The following ZC3H3 variants were observed in gnomAD, a reference collection of about 807,000 sequenced individuals.
ZC3H3 encodes the protein zinc finger CCCH-type containing 3, also known as zinc finger CCCH domain-containing protein 3.
In ZC3H3, 36 loss-of-function variants were observed where a neutral mutation model predicts 77.3. That is an observed-to-expected ratio of 0.47 (90% CI 0.36 to 0.61). ZC3H3 has a LOEUF of 0.61. Among genes scored for constraint, ZC3H3 ranks in the 20% least tolerant of loss-of-function variants. The pLI is 0.00. For synonymous variants in ZC3H3, 626 were observed against 555.2 expected (o/e 1.13, Z -1.79); for missense variants, 1,331 against 1,312.2 (o/e 1.01, Z -0.22).
At chr8:143,485,264 T>C (rs923024605) in intron 4 of ZC3H3, among the ~76,000 whole-genome samples, 5 of 152,004 alleles carry the variant, frequency 3.3e-5, no homozygotes, top group Non-Finnish European at 5.9e-5. Context: ...AAGAAGAAAA[T>C]GCAAATCTAT....
intron 3 of ZC3H3, among the ~76,000 whole-genome samples, chr8:143,511,821 C>T (rs908786512): frequency 6.6e-6 from 1 of 152,242 alleles, no homozygotes; most frequent in African/African-American, 2.4e-5. Flanking sequence ...GACAGCAAAA[C>T]TGTCACTGCT....
In ZC3H3 at chr8:143,465,770, T is replaced by C; in HGVS notation, c.2254A>G (p.Lys752Glu). Residue 752 changes from lysine (K) to glutamate (E), a missense_variant, in exon 9 of 12, where the codon AAG becomes GAG. Around this residue, in one of 3 missense-constraint regions of ZC3H3, gnomAD observed 104 missense variants for 159.7 expected, o/e 0.65. Coordinates refer to ENST00000262577, the MANE Select transcript of ZC3H3 (RefSeq NM_015117.3). ...CPYSHVYVSR[K>E]AEVCSDFLKG... ...AGGAAGTCGCTGCAGACCTCGGCCT[T>C]GCGGGACACGTACACGTGGCTATAG... 6.2e-7 allele frequency: 1 copy of C among 1,613,888 alleles called. No individual in the cohort carries two copies. Among genetic ancestry groups the C allele is most frequent in the Non-Finnish European group, 8.5e-7 (1 of 1,180,004 alleles).
intron 5 of ZC3H3, among the ~76,000 whole-genome samples, chr8:143,469,044 A>G (rs1820491632): frequency 6.6e-6 from 1 of 152,196 alleles, no homozygotes; most frequent in Admixed American, 6.5e-5. Context: ...CCCCAGGGCC[A>G]CGCTTTGCTG....
intron 4 of ZC3H3, among the ~76,000 whole-genome samples, chr8:143,483,553 C>T (rs1006737919): frequency 1.3e-5 from 2 of 152,146 alleles, no homozygotes; most frequent in African/African-American, 2.4e-5. Context: ...GGCGCTCAGG[C>T]CAGACAGAGC....
At chr8:143,474,357 C>T (rs1820665267) in intron 5 of ZC3H3, among the ~76,000 whole-genome samples, 1 of 152,222 alleles carries the variant, frequency 6.6e-6, no homozygotes, top group South Asian at 2.1e-4. Flanking sequence ...TTCACCAGGA[C>T]CCCCCAGCCC....
chr8:143,506,017 G>A (rs992961997), intron 4 of ZC3H3, among the ~76,000 whole-genome samples: 2 of 152,224 alleles, frequency 1.3e-5, no homozygotes, highest in Non-Finnish European at 2.9e-5. Context: ...GCCACATGGC[G>A]CCGACAGGAG....
intron 8 of ZC3H3, among the ~76,000 whole-genome samples, chr8:143,466,058 G>A (rs375106760): frequency 2.0e-5 from 3 of 152,218 alleles, no homozygotes; most frequent in Non-Finnish European, 4.4e-5. Flanking sequence ...CACCCCTGCC[G>A]TGCTCTGTCC....
At chr8:143,480,626 A>T (rs1820882420) in intron 4 of ZC3H3, among the ~76,000 whole-genome samples, 1 of 152,214 alleles carries the variant, frequency 6.6e-6, no homozygotes, top group Non-Finnish European at 1.5e-5. Context: ...CGCTCCCAGC[A>T]GCAGAAGCCC....
chr8:143,468,764 C>T lies in ZC3H3; in HGVS notation c.1904-105G>A. 2.9e-6 allele frequency: 4 copies of T among 1,398,380 alleles called. No homozygotes were observed. In the East Asian group the frequency reaches 7.6e-5, roughly 26 times the overall value. The allele number at this position is 1,398,380 out of a possible 1,614,324, so 86.6% of individuals were successfully genotyped here. A position where few individuals can be genotyped will look rare whatever the true frequency, so the allele number is the denominator to read the frequency against. ...GGCCCTCAGGGGTCCCAACACTCAGCTCAGGCACAGCCTCCCCTCCAGGAA... is the reference window on the plus strand; with the variant it reads ...GGCCCTCAGGGGTCCCAACACTCAGTTCAGGCACAGCCTCCCCTCCAGGAA... On this transcript the variant is annotated intron_variant, in intron 5 of 11. Transcript: ENST00000262577.
At chr8:143,454,762 C>T (rs910382124) in intron 9 of ZC3H3, among the ~76,000 whole-genome samples, 10 of 152,160 alleles carry the variant, frequency 6.6e-5, no homozygotes, top group Non-Finnish European at 2.9e-5. Context: ...GTGATGAAAT[C>T]TTGCACCGTC....
At chr8:143,473,610 G>C (rs1259485220) in intron 5 of ZC3H3, among the ~76,000 whole-genome samples, 6 of 152,236 alleles carry the variant, frequency 3.9e-5, no homozygotes, top group African/African-American at 1.4e-4. Flanking sequence ...GACTGTGCCT[G>C]CAGTGTCAGT....
At chr8:143,491,531 C>T (rs1451267834) in intron 4 of ZC3H3, among the ~76,000 whole-genome samples, 2 of 152,266 alleles carry the variant, frequency 1.3e-5, no homozygotes, top group Non-Finnish European at 2.9e-5. Flanking sequence ...ATCTTGAGCC[C>T]CACGGCTGGA....
At chr8:143,512,318 A>G (rs1821894803) in intron 3 of ZC3H3, among the ~76,000 whole-genome samples, 1 of 152,162 alleles carries the variant, frequency 6.6e-6, no homozygotes. Context: ...GCTTTTTATC[A>G]ACAGCTGCCC....
intron 4 of ZC3H3, among the ~76,000 whole-genome samples, chr8:143,495,892 G>A (rs552132584): frequency 1.3e-4 from 19 of 151,958 alleles, no homozygotes; most frequent in African/African-American, 4.3e-4. Flanking sequence ...GCAAGCCACT[G>A]CGCCTGGTGA....
At chr8:143,455,449 T>G (rs1388663329) in intron 9 of ZC3H3, among the ~76,000 whole-genome samples, 1 of 151,590 alleles carries the variant, frequency 6.6e-6, no homozygotes, top group Non-Finnish European at 1.5e-5. Context: ...TGGACAGAGG[T>G]TGTGCCACTG....
At chr8:143,476,378 C>A (rs1820735107) in intron 4 of ZC3H3, among the ~76,000 whole-genome samples, 2 of 152,146 alleles carry the variant, frequency 1.3e-5, no homozygotes, top group Non-Finnish European at 2.9e-5. Flanking sequence ...ATGACCCTGG[C>A]TAGAGGAAGA....
Position 143,468,426 on chromosome 8 carries a change from G to A in ZC3H3, c.2061C>T (p.Arg687=). 1 of 1,611,722 alleles carries A rather than the reference G, an allele frequency of 6.2e-7. No homozygotes were observed. The highest frequency in any genetic ancestry group is 2.2e-5 in the East Asian group (1 of 44,808). Residue 687 remains arginine (R), a synonymous_variant, in exon 7 of 12, where the codon CGC becomes CGT. Coordinates refer to ENST00000262577, the MANE Select transcript of ZC3H3 (RefSeq NM_015117.3). ...TCTCGGGATCGTGGATGTAGGGGCA[G>A]CGCTCGCCACGGTTGCACCTGCCGA... ...NRFGRCNRGE[R]CPYIHDPEKV... is the part of the protein sequence containing the mutation.
chr8:143,499,377 G>A (rs1028445963), intron 4 of ZC3H3, among the ~76,000 whole-genome samples: 1 of 151,890 alleles, frequency 6.6e-6, no homozygotes, highest in African/African-American at 2.4e-5. Context: ...CTCCCGCCCA[G>A]CAGCCAGGCC....
rs117645175 is a variant in ZC3H3, at chr8:143,478,263, G to A, written c.1716-2678C>T. Among the ~76,000 whole-genome samples, 1,345 of 152,334 alleles carry A rather than the reference G, an allele frequency of 8.8e-3. 10 individuals carry two copies. Among genetic ancestry groups the A allele is most frequent in the Non-Finnish European group, 0.013 (874 of 68,024 alleles). ...GGACAGGCCACCACCCACTCACTGT[G>A]TGGCTCTCCAAAGGCACCCGGATGG... is the stretch of plus-strand genomic sequence containing the variant. On this transcript the variant is annotated intron_variant, in intron 4 of 11. Coordinates refer to ENST00000262577, the MANE Select transcript of ZC3H3 (RefSeq NM_015117.3).
Sources: allele counts gnomAD v4.1 joint callset (sites outside exome capture counted in the v4.1 genomes callset), GRCh38; gene constraint gnomAD v4.1.1; regional missense constraint gnomAD v4.1.1; transcripts MANE v1.5; gene names NCBI Gene and HGNC (gene_info 2026-07-23, HGNC 2026-07-21).